The following SEMA6D variants were observed in gnomAD, a reference collection of about 807,000 sequenced individuals.
SEMA6D encodes semaphorin 6D.
SEMA6D carries 35 observed loss-of-function variants against 106.6 expected under a neutral mutation model. The observed-to-expected ratio is 0.33, with a 90% CI of 0.25 to 0.44. The LOEUF is 0.44. Among genes scored for constraint, SEMA6D ranks in the 20% least tolerant of loss-of-function variants. The pLI is 1.00. For missense variants in SEMA6D, 1,185 were observed against 1,345.9 expected (o/e 0.88, Z 1.87); for synonymous variants, 499 against 487.7 (o/e 1.02, Z -0.31).
At chr15:47,691,029 T>C (rs2078576080) in intron 4 of SEMA6D, among the ~76,000 whole-genome samples, 1 of 152,158 alleles carries the variant, frequency 6.6e-6, no homozygotes, top group Admixed American at 6.5e-5. Flanking sequence ...TTGTCTGTGT[T>C]GTCTCGTGAT....
intron 3 of SEMA6D, among the ~76,000 whole-genome samples, chr15:47,498,667 G>A (rs1204506189): frequency 2.0e-5 from 3 of 152,178 alleles, no homozygotes; most frequent in South Asian, 2.1e-4. Flanking sequence ...ATCAAGGACC[G>A]ATTCAAAATA....
At chr15:47,618,213 G>A (rs1316550700) in intron 4 of SEMA6D, among the ~76,000 whole-genome samples, 2 of 152,308 alleles carry the variant, frequency 1.3e-5, no homozygotes, top group Non-Finnish European at 2.9e-5. Flanking sequence ...TGAGTAATTT[G>A]TAAATATAAA....
At chr15:47,260,469 C>T (rs776481693) in intron 1 of SEMA6D, among the ~76,000 whole-genome samples, 2 of 152,072 alleles carry the variant, frequency 1.3e-5, no homozygotes, top group Admixed American at 1.3e-4. Flanking sequence ...CTGTGGACCC[C>T]ACTGATCCAT....
intron 1 of SEMA6D, among the ~76,000 whole-genome samples, chr15:47,354,222 T>C (rs5000611): frequency 0.012 from 1,667 of 137,168 alleles, 16 homozygotes; most frequent in Non-Finnish European, 0.015. Flanking sequence ...TATATATATA[T>C]ACACACATAC....
intron 3 of SEMA6D, among the ~76,000 whole-genome samples, chr15:47,534,233 C>T (rs1467624045): frequency 6.6e-6 from 1 of 152,118 alleles, no homozygotes; most frequent in Non-Finnish European, 1.5e-5. Context: ...CCTTGTCACC[C>T]AGGCTGGAGT....
chr15:47,277,858 A>T (rs62015683), intron 1 of SEMA6D, among the ~76,000 whole-genome samples: 10 of 146,156 alleles, frequency 6.8e-5, no homozygotes, highest in African/African-American at 2.3e-4. Flanking sequence ...TGAGAATATG[A>T]GGTGTTTGGT....
chr15:47,474,549 T>C (rs1596091233), intron 3 of SEMA6D, among the ~76,000 whole-genome samples: 2 of 152,234 alleles, frequency 1.3e-5, no homozygotes, highest in East Asian at 3.9e-4. Context: ...AATATGATTC[T>C]TCTCAAAGCG....
At chr15:47,727,438 A>T (rs923226688) in intron 1 of SEMA6D, among the ~76,000 whole-genome samples, 1 of 152,188 alleles carries the variant, frequency 6.6e-6, no homozygotes, top group Non-Finnish European at 1.5e-5. Context: ...CTCCTCAAAC[A>T]TCAGTGTGCC....
intron 1 of SEMA6D, among the ~76,000 whole-genome samples, chr15:47,322,276 G>C (rs945647015): frequency 6.9e-6 from 1 of 145,182 alleles, no homozygotes; most frequent in Admixed American, 6.9e-5. Context: ...GCGTTCACTA[G>C]TTATTTTTTT....
intron 3 of SEMA6D, among the ~76,000 whole-genome samples, chr15:47,517,655 T>C (rs2044431797): frequency 6.6e-6 from 1 of 152,178 alleles, no homozygotes; most frequent in African/African-American, 2.4e-5. Flanking sequence ...GAGGGAACTT[T>C]TCTTCTGACC....
chr15:47,367,684 GCGCGCGCGCA>G (rs2039093125), intron 1 of SEMA6D, among the ~76,000 whole-genome samples: 1 of 42,180 alleles, frequency 2.4e-5, no homozygotes, highest in African/African-American at 9.3e-5. Flanking sequence ...TCACACGCGC[GCGCGCGCGCA>G]CACACACACA....
intron 2 of SEMA6D, among the ~76,000 whole-genome samples, chr15:47,432,497 T>C (rs891199715): frequency 2.0e-5 from 3 of 150,992 alleles, no homozygotes; most frequent in Admixed American, 6.6e-5. Context: ...TATATATATA[T>C]ACACACACAC....
intron 2 of SEMA6D, among the ~76,000 whole-genome samples, chr15:47,429,379 A>C (rs768307832): frequency 6.6e-6 from 1 of 152,140 alleles, no homozygotes; most frequent in Non-Finnish European, 1.5e-5. Flanking sequence ...GGCAGCTGTG[A>C]GATAACATTG....
At chr15:47,227,567 TCTCACACACA>T (rs1207823004) in intron 1 of SEMA6D, among the ~76,000 whole-genome samples, 1,691 of 87,298 alleles carry the variant, frequency 0.019, 49 homozygotes, top group Admixed American at 0.023. Context: ...TCTCTCTCTC[TCTCACACACA>T]CACACACACA....
chr15:47,685,386 G>A (rs552477842), intron 4 of SEMA6D, among the ~76,000 whole-genome samples: 27 of 152,278 alleles, frequency 1.8e-4, no homozygotes, highest in Non-Finnish European at 3.4e-4. Flanking sequence ...GCAGATATAA[G>A]GGACATCACC....
chr15:47,461,841 G>A (rs2042522901), intron 2 of SEMA6D, among the ~76,000 whole-genome samples: 1 of 151,954 alleles, frequency 6.6e-6, no homozygotes, highest in Non-Finnish European at 1.5e-5. Context: ...TGTGAAGAAT[G>A]TATATGTTTC....
chr15:47,656,524 T>C (rs903570647), intron 4 of SEMA6D, among the ~76,000 whole-genome samples: 10 of 152,218 alleles, frequency 6.6e-5, no homozygotes, highest in African/African-American at 2.4e-4. Context: ...CAAATAGCAA[T>C]GAACACACTT....
At chr15:47,264,787 A>G (rs1337114988) in intron 1 of SEMA6D, among the ~76,000 whole-genome samples, 4 of 151,940 alleles carry the variant, frequency 2.6e-5, no homozygotes, top group Admixed American at 1.3e-4. Context: ...TTCTATTCCT[A>G]GTTTGTTATG....
At chr15:47,413,158 A>G (rs1376429748) in intron 2 of SEMA6D, among the ~76,000 whole-genome samples, 1 of 152,216 alleles carries the variant, frequency 6.6e-6, no homozygotes, top group Non-Finnish European at 1.5e-5. Flanking sequence ...ACAAACACAC[A>G]TATACTCCCT....
Sources: gnomAD v4.1 joint callset for allele counts (sites outside exome capture counted in the v4.1 genomes callset) on GRCh38, gnomAD v4.1.1 for gene constraint, MANE v1.5 for transcripts, NCBI Gene and HGNC (gene_info 2026-07-23, HGNC 2026-07-21) for gene names.